Variants in GRM1 observed in about 807,000 individuals in gnomAD.
GRM1 encodes the protein metabotropic glutamate receptor 1.
Under a neutral mutation model 90.9 loss-of-function variants are expected in GRM1, and 33 were observed. The ratio of observed to expected loss-of-function variants is 0.36; its 90% CI spans 0.28 to 0.49. The LOEUF (loss-of-function observed/expected upper bound fraction) is 0.49. Ranked by LOEUF, GRM1 falls within the 20% of genes least tolerant of loss-of-function variation. GRM1 has a pLI of 0.99. For missense variants in GRM1, 1,190 were observed against 1,534.3 expected (o/e 0.78, Z 3.75); for synonymous variants, 700 against 613.2 (o/e 1.14, Z -2.09).
upstream of GRM1, among the ~76,000 whole-genome samples, chr6:146,028,265 G>A (rs58542663): frequency 2.3e-5 from 3 of 128,098 alleles, no homozygotes; most frequent in Admixed American, 7.5e-5. Context: ...GTGTGTGTGT[G>A]TGTGTGTGTG....
intron 1 of GRM1, among the ~76,000 whole-genome samples, chr6:146,058,030 A>G (rs957836003): frequency 6.6e-6 from 1 of 152,058 alleles, no homozygotes; most frequent in Non-Finnish European, 1.5e-5. Flanking sequence ...TAAAAGAGTT[A>G]TATATTTAAT....
rs183892569 is a variant in GRM1, at chr6:146,335,710, G to A, written c.1187-16540G>A. Among the ~76,000 whole-genome samples, 743 of 152,058 alleles carry A rather than the reference G, an allele frequency of 4.9e-3. 7 individuals are homozygous for A. Among genetic ancestry groups the A allele is most frequent in the African/African-American group, 0.017 (690 of 41,438 alleles). On this transcript the variant is annotated intron_variant, in intron 3 of 7. Coordinates refer to ENST00000282753, the MANE Select transcript of GRM1 (RefSeq NM_001278064.2). The stretch of plus-strand genomic sequence containing the variant: ...TAATGTGTAGGTCTATGATGAGCCC[G>A]GAAATCTCCATTTTAACAGATACAT...
At chr6:146,136,265 A>G (rs1177451743) in intron 1 of GRM1, among the ~76,000 whole-genome samples, 1 of 152,204 alleles carries the variant, frequency 6.6e-6, no homozygotes, top group Non-Finnish European at 1.5e-5. Flanking sequence ...TGTCTTCAAT[A>G]TACCGTTTTC....
At chr6:146,375,482 G>T (rs1776060756) in intron 5 of GRM1, among the ~76,000 whole-genome samples, 1 of 152,000 alleles carries the variant, frequency 6.6e-6, no homozygotes, top group African/African-American at 2.4e-5. Context: ...GTCTAATGCT[G>T]ACAGTGGGTT....
intron 7 of GRM1, among the ~76,000 whole-genome samples, chr6:146,414,407 T>A (rs200997992): frequency 2.6e-4 from 17 of 66,444 alleles, no homozygotes; most frequent in Non-Finnish European, 3.9e-4. Context: ...TATTATTATT[T>A]TTGTTGTTGT....
At chr6:146,073,809 T>A (rs969719220) in intron 1 of GRM1, among the ~76,000 whole-genome samples, 3 of 152,148 alleles carry the variant, frequency 2.0e-5, no homozygotes, top group Admixed American at 2.0e-4. Flanking sequence ...GTATCTGGAA[T>A]GATGAAATTC....
In GRM1 at chr6:146,436,126, G is replaced by A. The variant is rs1467560253; in HGVS notation, c.*1330G>A. The stretch of plus-strand genomic sequence containing the variant: ...TAACTGCAATTAGAAATTGTCTTTT[G>A]AATATACTATATATATTTTTTATGT... On this transcript the variant is annotated 3_prime_UTR_variant, in exon 8 of 8. Transcript: ENST00000282753. The A allele has an allele frequency of 2.0e-5, 3 of 152,508 alleles. No individual in the cohort carries two copies. The highest frequency in any genetic ancestry group is 4.4e-5 in the Non-Finnish European group (3 of 68,018). 9.4% of individuals were successfully genotyped at this position (152,508 alleles called of 1,614,324 possible).
Position 146,434,681 on chromosome 6 carries a change from C to G in GRM1, c.3470C>G (p.Ser1157Trp). ...PPSPFRDSVA[S>W]GSSVPSSPVS... ...TCGCCTTTCCGCGACTCGGTGGCCT[C>G]GGGCAGCTCGGTGCCCAGCTCCCCC... is the stretch of plus-strand genomic sequence containing the variant. The change falls in exon 8 of 8, where the codon TCG becomes TGG. Residue 1157 changes from serine (S) to tryptophan (W), a missense_variant. Coordinates refer to ENST00000282753, the MANE Select transcript of GRM1 (RefSeq NM_001278064.2). 6.2e-7 allele frequency: 1 copy of G among 1,606,014 alleles called. No homozygotes were observed. Among genetic ancestry groups the G allele is most frequent in the Non-Finnish European group, 8.5e-7 (1 of 1,179,978 alleles).
chr6:146,172,293 G>C (rs1778157578), intron 2 of GRM1, among the ~76,000 whole-genome samples: 1 of 152,080 alleles, frequency 6.6e-6, no homozygotes, highest in Admixed American at 6.6e-5. Context: ...CATCTCCCTT[G>C]TTCTCTCTTC....
chr6:146,192,398 G>T (rs1282135847), intron 2 of GRM1, among the ~76,000 whole-genome samples: 2 of 152,160 alleles, frequency 1.3e-5, no homozygotes, highest in Non-Finnish European at 2.9e-5. Flanking sequence ...CAGAATTCTG[G>T]TTCTATAATT....
At chr6:146,202,877 A>G (rs536261033) in intron 2 of GRM1, among the ~76,000 whole-genome samples, 1 of 152,294 alleles carries the variant, frequency 6.6e-6, no homozygotes, top group South Asian at 2.1e-4. Context: ...ATTCCTTAGG[A>G]TAATGCTAGC....
chr6:146,097,995 T>C (rs936153474), intron 1 of GRM1, among the ~76,000 whole-genome samples: 1 of 152,190 alleles, frequency 6.6e-6, no homozygotes, highest in African/African-American at 2.4e-5. Flanking sequence ...TCCTTATTCT[T>C]ATCCCTGTTA....
intron 2 of GRM1, among the ~76,000 whole-genome samples, chr6:146,199,083 C>T (rs1779215389): frequency 6.6e-6 from 1 of 152,190 alleles, no homozygotes; most frequent in Admixed American, 6.5e-5. Flanking sequence ...CTCTCCTAGA[C>T]CAGGTCAGCA....
At chr6:146,302,366 T>G (rs956243895) in intron 2 of GRM1, among the ~76,000 whole-genome samples, 1 of 148,964 alleles carries the variant, frequency 6.7e-6, no homozygotes, top group Non-Finnish European at 1.5e-5. Context: ...TCGCTCCCCA[T>G]GATACTGGTC....
chr6:146,203,006 T>C (rs888982958), intron 2 of GRM1, among the ~76,000 whole-genome samples: 3 of 151,762 alleles, frequency 2.0e-5, no homozygotes, highest in Non-Finnish European at 4.4e-5. Flanking sequence ...CAATCCTGGC[T>C]AACACGGTGA....
chr6:146,100,530 T>C (rs1777016087), intron 1 of GRM1, among the ~76,000 whole-genome samples: 1 of 152,206 alleles, frequency 6.6e-6, no homozygotes, highest in Non-Finnish European at 1.5e-5. Flanking sequence ...TCTGGAGTGC[T>C]AATTTATTAT....
At chr6:146,332,159 TCTGC>T (rs1211627947) in intron 3 of GRM1, among the ~76,000 whole-genome samples, 2 of 152,176 alleles carry the variant, frequency 1.3e-5, no homozygotes, top group East Asian at 3.8e-4. Flanking sequence ...ATTGTGTGTA[TCTGC>T]CAATGAGAGT....
intron 7 of GRM1, among the ~76,000 whole-genome samples, chr6:146,426,160 A>G (rs1009433474): frequency 1.3e-5 from 2 of 151,282 alleles, no homozygotes; most frequent in African/African-American, 4.9e-5. Context: ...ATTAAAAGTC[A>G]CAGTGTCAGA....
intron 3 of GRM1, among the ~76,000 whole-genome samples, chr6:146,319,015 A>G (rs1214392268): frequency 2.0e-5 from 3 of 152,088 alleles, no homozygotes; most frequent in African/African-American, 7.2e-5. Flanking sequence ...CCATTTGTCA[A>G]TTTTGGCTTT....
Sources: gnomAD v4.1 joint callset for allele counts (sites outside exome capture counted in the v4.1 genomes callset) on GRCh38, gnomAD v4.1.1 for gene constraint, MANE v1.5 for transcripts, NCBI Gene and HGNC (gene_info 2026-07-23, HGNC 2026-07-21) for gene names.